The following RHCG variants were observed in gnomAD, a reference collection of about 807,000 sequenced individuals.
The protein encoded by RHCG is ammonium transporter Rh type C.
Under a neutral mutation model 55.3 loss-of-function variants are expected in RHCG, and 39 were observed. The observed-to-expected ratio is 0.70, with a 90% CI of 0.55 to 0.92. The LOEUF is 0.92. Ranked by LOEUF, RHCG falls within the 40% of genes least tolerant of loss-of-function variation. The pLI is 0.00. For missense variants in RHCG, 635 were observed against 627.9 expected (o/e 1.01, Z -0.12); for synonymous variants, 250 against 246.8 (o/e 1.01, Z -0.12).
intron 1 of RHCG, among the ~76,000 whole-genome samples, chr15:89,490,810 G>A (rs765700259): frequency 3.9e-5 from 6 of 151,900 alleles, no homozygotes; most frequent in Non-Finnish European, 7.4e-5. Flanking sequence ...CTGGTGGGCG[G>A]GGGTTAGGGG....
chr15:89,496,237 C>A (rs1961563175), intron 1 of RHCG, 124 bp downstream of exon 1: 4 of 928,846 alleles, frequency 4.3e-6, no homozygotes, highest in Non-Finnish European at 6.6e-6. Flanking sequence ...CAGAGGCCGG[C>A]GAGATGCGGA....
intron 2 of RHCG, among the ~76,000 whole-genome samples, chr15:89,486,098 T>G (rs112919290): frequency 6.6e-6 from 1 of 151,984 alleles, no homozygotes; most frequent in Admixed American, 6.6e-5. Flanking sequence ...CATAGAGAAG[T>G]CATGAGAAGG....
intron 1 of RHCG, among the ~76,000 whole-genome samples, chr15:89,495,265 A>T (rs1235896664): frequency 6.6e-6 from 1 of 152,094 alleles, no homozygotes; most frequent in Non-Finnish European, 1.5e-5. Context: ...GTCTTTTTTC[A>T]TGCAGGCTGC....
At chr15:89,488,401 T>A (rs570625963) in intron 1 of RHCG, among the ~76,000 whole-genome samples, 235 of 152,340 alleles carry the variant, frequency 1.5e-3, no homozygotes, top group African/African-American at 5.4e-3. Flanking sequence ...GACGTTTGCA[T>A]TGTCTTAAAG....
Position 89,479,499 on chromosome 15 carries a change from C to T in RHCG, c.671-11G>A. ...ACAGGAAGAGGGTGCCTGGTCAGACCAGACAGGCCCAATGGGCCCGGGAGG... is the reference window on the plus strand; with the variant it reads ...ACAGGAAGAGGGTGCCTGGTCAGACTAGACAGGCCCAATGGGCCCGGGAGG... On this transcript the variant is annotated splice_polypyrimidine_tract_variant and intron_variant, in intron 4 of 10. Transcript: ENST00000268122. 6.2e-7 allele frequency: 1 copy of T among 1,605,278 alleles called. No homozygotes were observed. Among genetic ancestry groups the T allele is most frequent in the South Asian group, 1.1e-5 (1 of 89,460 alleles).
intron 9 of RHCG, among the ~76,000 whole-genome samples, chr15:89,473,790 A>G (rs1961083200): frequency 6.6e-6 from 1 of 152,210 alleles, no homozygotes; most frequent in African/African-American, 2.4e-5. Flanking sequence ...GAGATCCTGT[A>G]ACCAATCCCC....
intron 9 of RHCG, among the ~76,000 whole-genome samples, chr15:89,473,822 G>A (rs989008380): frequency 1.3e-5 from 2 of 152,174 alleles, no homozygotes; most frequent in Non-Finnish European, 2.9e-5. Context: ...GGGGACGTCT[G>A]TACTGCTCAA....
chr15:89,490,627 G>C (rs1961455945), intron 1 of RHCG, among the ~76,000 whole-genome samples: 1 of 152,172 alleles, frequency 6.6e-6, no homozygotes, highest in South Asian at 2.1e-4. Context: ...AGAGAGGGAG[G>C]TGACAAATTC....
At chr15:89,495,696 C>T (rs1961553209) in intron 1 of RHCG, among the ~76,000 whole-genome samples, 1 of 152,232 alleles carries the variant, frequency 6.6e-6, no homozygotes, top group African/African-American at 2.4e-5. Context: ...AGCCTCACCC[C>T]AACCCCTGTG....
rs571109929 is a variant in RHCG, at chr15:89,495,380, G to A, written c.184+981C>T. ...CCAGTTGATATAGGCGGCTGCTGGA[G>A]AGGGGCTTTAGGGTCCCTTTCAAAG... On this transcript the variant is annotated intron_variant, in intron 1 of 10. Transcript: ENST00000268122. Among the ~76,000 whole-genome samples, 3 of 152,336 alleles carry A rather than the reference G, an allele frequency of 2.0e-5. No individual in the cohort carries two copies. In the East Asian group the frequency reaches 5.8e-4, roughly 29 times the overall value.
intron 2 of RHCG, 200 bp downstream of exon 2, chr15:89,486,599 A>AGAGTGTGAGTGT: frequency 2.1e-4 from 55 of 264,476 alleles, no homozygotes; most frequent in African/African-American, 5.4e-4. Context: ...AGAGAGAGAG[A>AGAGTGTGAGTGT]GTGTGTGTGT....
At chr15:89,481,114 A>G (rs1179379056) in intron 3 of RHCG, among the ~76,000 whole-genome samples, 1 of 152,162 alleles carries the variant, frequency 6.6e-6, no homozygotes, top group Non-Finnish European at 1.5e-5. Flanking sequence ...ACCTTAGGTG[A>G]GCCCCTTAAC....
Position 89,479,308 on chromosome 15 carries a change from G to T in RHCG, c.837+14C>A, listed in dbSNP as rs773655832. The T allele has an allele frequency of 1.4e-5, 22 of 1,608,158 alleles. No homozygotes were observed. The highest frequency in any genetic ancestry group is 1.7e-4 in the Middle Eastern group (1 of 5,724). ...AGGCAGTCAGAGCCACACCCCCAAC[G>T]CCCTCATGCTCACCATGTCCAGCTT... On this transcript the variant is annotated intron_variant, in intron 5 of 10. Transcript: ENST00000268122.
chr15:89,476,700 G>T, intron 9 of RHCG, 55 bp downstream of exon 9: 2 of 1,458,736 alleles, frequency 1.4e-6, no homozygotes, highest in South Asian at 1.1e-5. Context: ...ATGCAGTGGA[G>T]GCAGGGAGGG....
rs1044560625 is a variant in RHCG, at chr15:89,495,453, T to C, written c.184+908A>G. On this transcript the variant is annotated intron_variant, in intron 1 of 10. Transcript: ENST00000268122. Reference sequence around the variant, plus strand: ...ACACCACCGGCTAGAATAATTTTCATTGGCTGATGGCGGATGGAGTGGAAA... The same window carrying C: ...ACACCACCGGCTAGAATAATTTTCACTGGCTGATGGCGGATGGAGTGGAAA... Among the ~76,000 whole-genome samples, 3 of 152,188 alleles carry C rather than the reference T, an allele frequency of 2.0e-5. 1 individual carries two copies. The South Asian group carries it at 6.2e-4, about 32-fold the overall frequency.
At position 89,478,054 on chromosome 15, in the gene RHCG, G is replaced by A. The variant is rs374182491; in HGVS notation, c.838-80C>T. 6 of 1,513,976 alleles carry A rather than the reference G, an allele frequency of 4.0e-6. No homozygotes were observed. The African/African-American group carries it at 5.5e-5, about 14-fold the overall frequency. 93.8% of individuals were successfully genotyped at this position (1,513,976 alleles called of 1,614,324 possible). On this transcript the variant is annotated intron_variant, in intron 5 of 10. Coordinates refer to ENST00000268122, the MANE Select transcript of RHCG (RefSeq NM_016321.3). ...GCCTGGAGGAGCTCACTTGCTGGCT[G>A]TGCAAGGGTGCAGCCTGGCTCCTGG...
At chr15:89,495,948 C>G (rs1484299011) in intron 1 of RHCG, among the ~76,000 whole-genome samples, 1 of 152,212 alleles carries the variant, frequency 6.6e-6, no homozygotes, top group Non-Finnish European at 1.5e-5. Context: ...TCCTGGCCCA[C>G]CAGTGGTCCC....
In RHCG at chr15:89,472,808, GA is replaced by G; in HGVS notation, c.1366del (p.Ser456GlnfsTer48). The G allele has an allele frequency of 6.4e-7, 1 of 1,556,040 alleles. No individual in the cohort carries two copies. ...GGGTACTGAGGGTACTGAGGGTCCTGAGGGCTTGAAGGTGGGGTCCTCAGGG... is the reference window on the plus strand; with the variant it reads ...GGGTACTGAGGGTACTGAGGGTCCTGGGGCTTGAAGGTGGGGTCCTCAGGG... ...YIPEDPTFKP[S>X]GPSVPSVPMV... On this transcript the variant is annotated frameshift_variant, in exon 10 of 11. Coordinates refer to ENST00000268122, the MANE Select transcript of RHCG (RefSeq NM_016321.3). LOFTEE classifies it high-confidence loss of function.
At chr15:89,490,731 G>A (rs1052599252) in intron 1 of RHCG, among the ~76,000 whole-genome samples, 3 of 151,882 alleles carry the variant, frequency 2.0e-5, no homozygotes, top group African/African-American at 4.8e-5. Context: ...AGGTTGCTGC[G>A]TGGGAGGGAG....
Sources: allele counts gnomAD v4.1 joint callset (sites outside exome capture counted in the v4.1 genomes callset), GRCh38; gene constraint gnomAD v4.1.1; transcripts MANE v1.5; gene names NCBI Gene and HGNC (gene_info 2026-07-23, HGNC 2026-07-21).